ESR1: variants seen among roughly 807,000 people sequenced by gnomAD.
ESR1 encodes the protein estrogen receptor 1.
ESR1 carries 12 observed loss-of-function variants against 52.7 expected under a neutral mutation model. The ratio of observed to expected loss-of-function variants is 0.23; its 90% CI spans 0.15 to 0.37. ESR1 has a LOEUF of 0.37. Among genes scored for constraint, ESR1 ranks in the 10% least tolerant of loss-of-function variants. ESR1 has a pLI of 1.00. For synonymous variants in ESR1, 305 were observed against 316.8 expected, an observed-to-expected ratio of 0.96 and a Z score of 0.39; for missense variants, 584 against 779.7, an observed-to-expected ratio of 0.75 and a Z score of 2.99.
intron 2 of ESR1, among the ~76,000 whole-genome samples, chr6:151,746,797 A>G (rs1783516806): frequency 1.3e-5 from 2 of 152,354 alleles, no homozygotes; most frequent in South Asian, 4.1e-4. Flanking sequence ...GGGATTCTGG[A>G]GTCAAGTGTT....
chr6:151,907,876 G>A (rs1378326029), intron 3 of ESR1, among the ~76,000 whole-genome samples: 1 of 152,140 alleles, frequency 6.6e-6, no homozygotes, highest in Admixed American at 6.5e-5. Flanking sequence ...ATCACAAACT[G>A]TGATATATAG....
chr6:152,054,566 G>A (rs919110319), intron 5 of ESR1, among the ~76,000 whole-genome samples: 2 of 151,778 alleles, frequency 1.3e-5, no homozygotes, highest in African/African-American at 2.4e-5. Context: ...TTACGTGATC[G>A]TGTCACCCAC....
intron 1 of ESR1, among the ~76,000 whole-genome samples, chr6:151,809,557 T>A (rs1382728801): frequency 6.6e-6 from 1 of 152,184 alleles, no homozygotes; most frequent in African/African-American, 2.4e-5. Context: ...TGTCCCTATA[T>A]CTTTCTGCCT....
chr6:151,851,173 C>T (rs1786627921), intron 2 of ESR1, among the ~76,000 whole-genome samples: 1 of 152,260 alleles, frequency 6.6e-6, no homozygotes, highest in East Asian at 1.9e-4. Context: ...CAGTGAATTC[C>T]TTGTTCTTCT....
At chr6:152,103,413 C>T (rs893139038), downstream of ESR1, 1 of 159,094 alleles carries the variant, frequency 6.3e-6, no homozygotes, top group Non-Finnish European at 1.4e-5. Flanking sequence ...CTCCCTCTGC[C>T]CAACACCCCC....
intron 4 of ESR1, among the ~76,000 whole-genome samples, chr6:151,985,528 AAAAAAC>A (rs1562632999): frequency 2.1e-4 from 29 of 141,154 alleles, no homozygotes; most frequent in African/African-American, 8.1e-4. Flanking sequence ...AAAAAAAAAA[AAAAAAC>A]ACAAACAAAA....
At chr6:151,909,926 G>T (rs1210033601) in intron 3 of ESR1, among the ~76,000 whole-genome samples, 1 of 152,054 alleles carries the variant, frequency 6.6e-6, no homozygotes, top group Admixed American at 6.6e-5. Context: ...TGAACTGTAG[G>T]TGGGGGGCCC....
chr6:152,026,878 G>T (rs750294521), intron 5 of ESR1, among the ~76,000 whole-genome samples: 2 of 151,864 alleles, frequency 1.3e-5, no homozygotes, highest in Admixed American at 6.6e-5. Context: ...CTATTACTTG[G>T]TTTGTCAAAA....
At chr6:151,774,205 A>G (rs1785762180) in intron 2 of ESR1, among the ~76,000 whole-genome samples, 1 of 152,230 alleles carries the variant, frequency 6.6e-6, no homozygotes, top group South Asian at 2.1e-4. Flanking sequence ...CTGGCAACCA[A>G]AGATGGGGAA....
intron 3 of ESR1, among the ~76,000 whole-genome samples, chr6:151,910,361 T>C (rs1406643049): frequency 1.3e-5 from 2 of 152,188 alleles, no homozygotes; most frequent in Admixed American, 6.5e-5. Flanking sequence ...TGGAACAATG[T>C]AAATTAACAA....
At chr6:152,114,590 T>G (rs2051184201) in intron 6 of ESR1, among the ~76,000 whole-genome samples, 1 of 152,110 alleles carries the variant, frequency 6.6e-6, no homozygotes, top group Non-Finnish European at 1.5e-5. Context: ...GAAAAGTTTT[T>G]TAATTAAAAA....
At chr6:151,994,764 A>T (rs1360535402) in intron 4 of ESR1, among the ~76,000 whole-genome samples, 1 of 152,088 alleles carries the variant, frequency 6.6e-6, no homozygotes, top group Non-Finnish European at 1.5e-5. Flanking sequence ...TATAAATCTC[A>T]TTTTAAAAAT....
chr6:151,809,771 A>G (rs1329106789), intron 1 of ESR1, among the ~76,000 whole-genome samples: 1 of 152,212 alleles, frequency 6.6e-6, no homozygotes, highest in Non-Finnish European at 1.5e-5. Flanking sequence ...TCAAAAGACA[A>G]ACAATGAACA....
intron 2 of ESR1, among the ~76,000 whole-genome samples, chr6:151,752,695 A>G (rs1378202066): frequency 6.6e-6 from 1 of 152,206 alleles, no homozygotes; most frequent in Non-Finnish European, 1.5e-5. Flanking sequence ...GATAGTACTT[A>G]TTTTAACATG....
At chr6:151,686,072 T>TTTTTTTTTTTA (rs1778656168), upstream of ESR1, among the ~76,000 whole-genome samples, 2 of 145,240 alleles carry the variant, frequency 1.4e-5, no homozygotes, top group African/African-American at 5.2e-5. Flanking sequence ...CAATTTTTTT[T>TTTTTTTTTTTA]TTTTTTTTTT....
intron 6 of ESR1, chr6:152,122,340 C>T (rs192756477): frequency 2.4e-5 from 39 of 1,603,652 alleles, no homozygotes; most frequent in East Asian, 4.5e-5. Flanking sequence ...CGAGGGCTTT[C>T]GCCAAGATCA....
chr6:151,890,804 C>T (rs1011932847), intron 3 of ESR1, among the ~76,000 whole-genome samples: 1 of 151,994 alleles, frequency 6.6e-6, no homozygotes. Flanking sequence ...ATATAGCTGT[C>T]TCTGCTTTCT....
intron 2 of ESR1, among the ~76,000 whole-genome samples, chr6:151,844,768 G>A (rs1466122635): frequency 6.6e-6 from 1 of 151,822 alleles, no homozygotes; most frequent in Non-Finnish European, 1.5e-5. Context: ...ATTTTACTGA[G>A]AACTTACTCT....
At chr6:152,081,756 A>G (rs987487587) in intron 6 of ESR1, among the ~76,000 whole-genome samples, 1 of 152,086 alleles carries the variant, frequency 6.6e-6, no homozygotes, top group Admixed American at 6.6e-5. Flanking sequence ...AAAAGAGAGA[A>G]GAATCGAATA....
Sources: allele counts gnomAD v4.1 joint callset (sites outside exome capture counted in the v4.1 genomes callset), GRCh38; gene constraint gnomAD v4.1.1; transcripts MANE v1.5; gene names NCBI Gene and HGNC (gene_info 2026-07-23, HGNC 2026-07-21).